The following CTBP1 variants were observed in gnomAD, a reference collection of about 807,000 sequenced individuals.
CTBP1 encodes the protein C-terminal-binding protein 1.
A neutral mutation model predicts 42.1 loss-of-function variants in CTBP1; 11 were observed. The ratio of observed to expected loss-of-function variants is 0.26; its 90% CI spans 0.16 to 0.43. CTBP1 has a LOEUF of 0.43. CTBP1 is among the 20% of genes least tolerant of loss of function. The probability of loss-of-function intolerance (pLI) is 1.00; values close to 1 mark genes in which losing one functional copy is unlikely to be tolerated. For missense variants in CTBP1, 399 were observed against 624.3 expected, an observed-to-expected ratio of 0.64 and a Z score of 3.85; for synonymous variants, 324 against 277.1, an observed-to-expected ratio of 1.17 and a Z score of -1.68.
At chr4:1,227,938 A>C (rs1392985085) in intron 4 of CTBP1, among the ~76,000 whole-genome samples, 1 of 152,210 alleles carries the variant, frequency 6.6e-6, no homozygotes, top group African/African-American at 2.4e-5. Flanking sequence ...GGCACCAGCC[A>C]GACATGCATG....
intron 4 of CTBP1, among the ~76,000 whole-genome samples, chr4:1,226,584 G>C (rs546151065): frequency 2.1e-4 from 32 of 150,450 alleles, no homozygotes; most frequent in African/African-American, 7.1e-4. Context: ...AAGACCTCCT[G>C]AGGGTGGGCC....
rs973033011 is a variant in CTBP1, at chr4:1,244,112, G to C, written c.-188-2593C>G. The C allele has an allele frequency of 4.1e-6, 4 of 985,254 alleles. No individual in the cohort carries two copies. In the Admixed American group the frequency reaches 1.8e-4, roughly 45 times the overall value. The allele number at this position is 985,254 out of a possible 1,614,324, so 61.0% of individuals were successfully genotyped here. A position where few individuals can be genotyped will look rare whatever the true frequency, so the allele number is the denominator to read the frequency against. On this transcript the variant is annotated intron_variant, in intron 1 of 9. Transcript: ENST00000382952. ...AGTCCCGGGGGGCTGCACGGTGGCG[G>C]CCCGATGACCCCAGAGCCTCCTGGC... is the stretch of plus-strand genomic sequence containing the variant.
intron 2 of CTBP1, among the ~76,000 whole-genome samples, chr4:1,239,213 G>A (rs1731900461): frequency 6.6e-6 from 1 of 152,356 alleles, no homozygotes; most frequent in Non-Finnish European, 1.5e-5. Context: ...GGGCTCTGAG[G>A]CGTCACAGAA....
chr4:1,211,968 C>G lies in CTBP1; in HGVS notation c.*272G>C, dbSNP rs1379585923. ...AAGCAAACAGATCCTTTGTAATGTT[C>G]TAAAAACTGTACACAGACAAGAACG... On this transcript the variant is annotated 3_prime_UTR_variant, in exon 10 of 10. Coordinates refer to ENST00000382952, the MANE Select transcript of CTBP1 (RefSeq NM_001012614.2). 6.3e-6 allele frequency: 2 copies of G among 318,884 alleles called. No homozygotes were observed. The highest frequency in any genetic ancestry group is 1.1e-5 in the Non-Finnish European group (2 of 176,126). 19.8% of individuals were successfully genotyped at this position (318,884 alleles called of 1,614,324 possible).
chr4:1,214,556 C>T (rs549488507), intron 6 of CTBP1, 83 bp from the exon 7 acceptor site: 234 of 1,469,846 alleles, frequency 1.6e-4, no homozygotes, highest in African/African-American at 6.6e-4. Context: ...TCACGCACGC[C>T]GTTGGGAAGG....
chr4:1,232,503 G>A (rs188909824), intron 3 of CTBP1, among the ~76,000 whole-genome samples: 12 of 152,050 alleles, frequency 7.9e-5, no homozygotes, highest in East Asian at 5.8e-4. Flanking sequence ...GTAGAGACGA[G>A]GTTTCACCAT....
intron 5 of CTBP1, 119 bp from the exon 6 acceptor site, chr4:1,216,324 C>A (rs1729111450): frequency 1.9e-6 from 2 of 1,051,804 alleles, no homozygotes; most frequent in Admixed American, 4.8e-5. Context: ...AAGGATGACA[C>A]CAGCTGTGGT....
At position 1,249,081 on chromosome 4, in the gene CTBP1, T is replaced by TGCCGAGTCTCCGCCGC. The variant is rs1301932934; in HGVS notation, c.-370_-355dup. ...GCCCGCCTGCGCCTGGCCGCCGCCG[T>TGCCGAGTCTCCGCCGC]GCCGAGTCTCCGCCGCGCCGCTGAG... On this transcript the variant is annotated 5_prime_UTR_variant, in exon 1 of 10. Transcript: ENST00000382952. The TGCCGAGTCTCCGCCGC allele has an allele frequency of 3.4e-6, 1 of 291,998 alleles. No homozygotes were observed. The highest frequency in any genetic ancestry group is 5.0e-6 in the Non-Finnish European group (1 of 200,314). The allele number at this position is 291,998 out of a possible 1,614,324, so 18.1% of individuals were successfully genotyped here.
At chr4:1,217,728 T>G (rs1177507857) in intron 5 of CTBP1, 1 of 152,232 alleles carries the variant, frequency 6.6e-6, no homozygotes, top group Non-Finnish European at 1.5e-5. Flanking sequence ...TTCCACATGA[T>G]GTCTGGCTTA....
chr4:1,242,528 C>T (rs995837080), intron 1 of CTBP1: 1 of 984,972 alleles, frequency 1.0e-6, no homozygotes, highest in Non-Finnish European at 1.2e-6. Context: ...CCTCAACTCC[C>T]TCTGCAGGAT....
In CTBP1 at chr4:1,238,838, C is replaced by A. The variant is rs1278447336; in HGVS notation, c.8-501G>T. On this transcript the variant is annotated intron_variant, in intron 2 of 9. Coordinates refer to ENST00000382952, the MANE Select transcript of CTBP1 (RefSeq NM_001012614.2). This position sits in a 1 kb window ranked among gnomAD's most constrained non-coding sequence, Gnocchi z 5.9. ...AGACCCTCCCAGACCGTCCGAGACCCCAGGGCAGCTCCATGAGGCAGGGGG... is the reference window on the plus strand; with the variant it reads ...AGACCCTCCCAGACCGTCCGAGACCACAGGGCAGCTCCATGAGGCAGGGGG... Among the ~76,000 whole-genome samples the A allele has an allele frequency of 6.6e-6, 1 of 151,724 alleles. No individual in the cohort carries two copies. The highest frequency in any genetic ancestry group is 6.6e-5 in the Admixed American group (1 of 15,232).
At chr4:1,245,440 A>G (rs1227398153) in intron 1 of CTBP1, 3 of 985,250 alleles carry the variant, frequency 3.0e-6, no homozygotes, top group Non-Finnish European at 3.6e-6. Flanking sequence ...TTCCCAACAC[A>G]GTCTACACAC....
At chr4:1,221,724 G>GCGGGGCCGCCA in intron 5 of CTBP1, 1 of 379,060 alleles carries the variant, frequency 2.6e-6, no homozygotes, top group Non-Finnish European at 5.3e-6. Flanking sequence ...CAGGGTCGTC[G>GCGGGGCCGCCA]CGGGGCCGCC....
At chr4:1,244,113 C>T (rs946456415) in intron 1 of CTBP1, 14 of 985,352 alleles carry the variant, frequency 1.4e-5, no homozygotes, top group Non-Finnish European at 1.7e-5. Context: ...ACGGTGGCGG[C>T]CCGATGACCC....
At position 1,238,811 on chromosome 4, in the gene CTBP1, C is replaced by T. The variant is rs1471228499; in HGVS notation, c.8-474G>A. On this transcript the variant is annotated intron_variant, in intron 2 of 9. Transcript: ENST00000382952. The surrounding 1 kb of genome is among the most constrained non-coding windows in gnomAD (Gnocchi z 5.9). Reference sequence around the variant, plus strand: ...CCCTCCAAGACCCTCTGAGACCCCCCGAGACCCTCCCAGACCGTCCGAGAC... The same window carrying T: ...CCCTCCAAGACCCTCTGAGACCCCCTGAGACCCTCCCAGACCGTCCGAGAC... 6.6e-6 allele frequency among the ~76,000 whole-genome samples: 1 copy of T among 151,728 alleles called. No homozygotes were observed. Among genetic ancestry groups the T allele is most frequent in the Non-Finnish European group, 1.5e-5 (1 of 67,918 alleles).
chr4:1,224,524 CGT>C (rs750441097), intron 5 of CTBP1, among the ~76,000 whole-genome samples: 12 of 143,370 alleles, frequency 8.4e-5, no homozygotes, highest in African/African-American at 7.9e-5. Flanking sequence ...TGTGCTGTGG[CGT>C]GTGACATCCG....
intron 1 of CTBP1, chr4:1,242,752 C>T: frequency 1.0e-6 from 1 of 985,434 alleles, no homozygotes; most frequent in Non-Finnish European, 1.2e-6. Flanking sequence ...GCTGCAGCCT[C>T]CTGCCCTGAA....
rs138353062 is a variant in CTBP1 at position 1,224,773 on chromosome 4, C to T, written c.514+587G>A. Among the ~76,000 whole-genome samples, 384 of 149,350 alleles carry T rather than the reference C, an allele frequency of 2.6e-3. 1 individual carries two copies. Among genetic ancestry groups the T allele is most frequent in the African/African-American group, 8.9e-3 (361 of 40,342 alleles). On this transcript the variant is annotated intron_variant, in intron 5 of 9. Coordinates refer to ENST00000382952, the MANE Select transcript of CTBP1 (RefSeq NM_001012614.2). ...TATCTGTGTGTGCCCGTGAGGTCCACGTCTGTGCTGTGATGTCCATGTGTG... is the reference window on the plus strand; with the variant it reads ...TATCTGTGTGTGCCCGTGAGGTCCATGTCTGTGCTGTGATGTCCATGTGTG...
intron 1 of CTBP1, among the ~76,000 whole-genome samples, chr4:1,248,410 G>T (rs954746611): frequency 1.0e-4 from 15 of 150,618 alleles, no homozygotes; most frequent in African/African-American, 3.6e-4. Context: ...GGCCACGGTC[G>T]CCGGCGGCCT....
Sources: gnomAD v4.1 joint callset for allele counts (sites outside exome capture counted in the v4.1 genomes callset) on GRCh38, gnomAD v4.1.1 for gene constraint, Gnocchi (gnomAD v3.1) non-coding constraint, MANE v1.5 for transcripts, NCBI Gene and HGNC (gene_info 2026-07-23, HGNC 2026-07-21) for gene names.